The following MACROD2 variants were observed in gnomAD, a reference collection of about 807,000 sequenced individuals.
MACROD2 encodes the protein mono-ADP ribosylhydrolase 2.
Under a neutral mutation model 70.4 loss-of-function variants are expected in MACROD2, and 36 were observed. The ratio of observed to expected loss-of-function variants is 0.51; its 90% confidence interval spans 0.39 to 0.68. The LOEUF (loss-of-function observed/expected upper bound fraction) is 0.68. Among genes scored for constraint, MACROD2 ranks in the 30% least tolerant of loss-of-function variants. MACROD2 has a pLI of 0.00. For synonymous variants in MACROD2, 172 were observed against 178.8 expected, an observed-to-expected ratio of 0.96 and a Z score of 0.30; for missense variants, 496 against 538.4, an observed-to-expected ratio of 0.92 and a Z score of 0.78.
intron 5 of MACROD2, among the ~76,000 whole-genome samples, chr20:14,802,339 A>G (rs1001796931): frequency 6.6e-6 from 1 of 152,078 alleles, no homozygotes; most frequent in Non-Finnish European, 1.5e-5. Context: ...ACATTAATTG[A>G]GTTTTTCTTT....
At chr20:15,125,567 T>G (rs1355916588) in intron 5 of MACROD2, among the ~76,000 whole-genome samples, 2 of 152,104 alleles carry the variant, frequency 1.3e-5, no homozygotes, top group Non-Finnish European at 2.9e-5. Flanking sequence ...AGGGGTTATA[T>G]TAGCAATGTT....
At chr20:14,144,891 G>A (rs542625429) in intron 3 of MACROD2, among the ~76,000 whole-genome samples, 7 of 152,280 alleles carry the variant, frequency 4.6e-5, no homozygotes, top group East Asian at 1.9e-4. Context: ...CCTTGCTTCT[G>A]TAGATTTCTC....
chr20:14,471,839 C>T (rs1402721609), intron 3 of MACROD2, among the ~76,000 whole-genome samples: 3 of 152,030 alleles, frequency 2.0e-5, no homozygotes, highest in African/African-American at 7.2e-5. Flanking sequence ...ACTTATTAAT[C>T]TTGAAAATGT....
chr20:14,108,234 T>C (rs1458584868), intron 3 of MACROD2, among the ~76,000 whole-genome samples: 3 of 151,570 alleles, frequency 2.0e-5, no homozygotes, highest in Admixed American at 2.0e-4. Context: ...TCACGGTAAC[T>C]TCAAATTGAA....
At chr20:15,865,546 G>GT (rs2064480584) in intron 9 of MACROD2, among the ~76,000 whole-genome samples, 2 of 152,100 alleles carry the variant, frequency 1.3e-5, no homozygotes, top group Admixed American at 6.6e-5. Flanking sequence ...CATTGTTAGG[G>GT]TTTTTTCTAA....
At chr20:15,460,318 C>G (rs2046790315) in intron 7 of MACROD2, among the ~76,000 whole-genome samples, 1 of 152,162 alleles carries the variant, frequency 6.6e-6, no homozygotes, top group South Asian at 2.1e-4. Context: ...CATCCTTCAC[C>G]CTGGCAGTGG....
chr20:14,306,854 G>T (rs891687719), intron 3 of MACROD2, among the ~76,000 whole-genome samples: 8 of 152,112 alleles, frequency 5.3e-5, no homozygotes, highest in African/African-American at 1.7e-4. Flanking sequence ...GTGCCAGTTA[G>T]CCATGACCCA....
chr20:15,581,355 T>C (rs966815226), intron 8 of MACROD2, among the ~76,000 whole-genome samples: 6 of 152,236 alleles, frequency 3.9e-5, no homozygotes, highest in Admixed American at 6.5e-5. Context: ...CTGAATCTAA[T>C]GACTGTCAAT....
intron 6 of MACROD2, among the ~76,000 whole-genome samples, chr20:15,367,505 T>A (rs1339041475): frequency 6.6e-6 from 1 of 152,198 alleles, no homozygotes; most frequent in Non-Finnish European, 1.5e-5. Context: ...GACATAAGTA[T>A]CTTTAAATGA....
At chr20:15,192,075 T>G (rs901813275) in intron 5 of MACROD2, among the ~76,000 whole-genome samples, 1 of 151,404 alleles carries the variant, frequency 6.6e-6, no homozygotes, top group Non-Finnish European at 1.5e-5. Flanking sequence ...AAACTCTCTC[T>G]CTCTCCATAT....
intron 5 of MACROD2, among the ~76,000 whole-genome samples, chr20:14,694,942 A>T (rs6042859): frequency 0.016 from 2,509 of 152,276 alleles, 76 homozygotes; most frequent in African/African-American, 0.056. Context: ...CCCTCTACTT[A>T]AACATGGCCT....
At chr20:14,418,131 TTG>T (rs1167690361) in intron 3 of MACROD2, among the ~76,000 whole-genome samples, 2 of 152,194 alleles carry the variant, frequency 1.3e-5, no homozygotes, top group Admixed American at 1.3e-4. Context: ...CTCTGAATTT[TTG>T]TGTCTTTTGG....
intron 5 of MACROD2, among the ~76,000 whole-genome samples, chr20:14,823,959 G>A (rs1255061734): frequency 6.6e-6 from 1 of 152,046 alleles, no homozygotes; most frequent in Non-Finnish European, 1.5e-5. Flanking sequence ...AATTATATAA[G>A]TAAAGCTAGT....
Position 15,321,228 on chromosome 20 carries a change from G to T in MACROD2, c.540+91167G>T, listed in dbSNP as rs948788734. Among the ~76,000 whole-genome samples the T allele has an allele frequency of 2.0e-4, 29 of 143,852 alleles. 3 individuals are homozygous for T. The highest frequency in any genetic ancestry group is 7.2e-4 in the African/African-American group (29 of 40,266). The allele number at this position is 143,852 out of a possible 152,430, so 94.4% of individuals were successfully genotyped here. On this transcript the variant is annotated intron_variant, in intron 6 of 17. Transcript: ENST00000684519. ...TGTTCTTTTTTTCTTTTGTGTTTTG[G>T]AACTTCCCTTGACTTTGGTCCCATT... is the stretch of plus-strand genomic sequence containing the variant.
chr20:15,554,379 A>G (rs2048138173), intron 8 of MACROD2, among the ~76,000 whole-genome samples: 2 of 152,206 alleles, frequency 1.3e-5, no homozygotes, highest in South Asian at 4.1e-4. Flanking sequence ...TTATTTATCA[A>G]AAAGATAAAT....
At chr20:14,204,772 A>G (rs1465766901) in intron 3 of MACROD2, among the ~76,000 whole-genome samples, 2 of 152,222 alleles carry the variant, frequency 1.3e-5, no homozygotes, top group African/African-American at 2.4e-5. Context: ...AGCTTTATTC[A>G]AAATGGGGTT....
At chr20:14,618,433 T>C (rs923974154) in intron 4 of MACROD2, among the ~76,000 whole-genome samples, 1 of 152,170 alleles carries the variant, frequency 6.6e-6, no homozygotes, top group African/African-American at 2.4e-5. Context: ...GAGATAATTA[T>C]AGAACAATGT....
intron 7 of MACROD2, among the ~76,000 whole-genome samples, chr20:15,488,728 C>T (rs945981724): frequency 6.6e-6 from 1 of 152,152 alleles, no homozygotes; most frequent in African/African-American, 2.4e-5. Flanking sequence ...CAATATACGC[C>T]TTTTCTATTC....
chr20:15,717,157 T>C (rs2050718914), intron 8 of MACROD2, among the ~76,000 whole-genome samples: 1 of 152,238 alleles, frequency 6.6e-6, no homozygotes, highest in Non-Finnish European at 1.5e-5. Context: ...TCTCATTTCT[T>C]CCTTAAGGAG....
Sources: gnomAD v4.1 joint callset for allele counts (sites outside exome capture counted in the v4.1 genomes callset) on GRCh38, gnomAD v4.1.1 for gene constraint, MANE v1.5 for transcripts, NCBI Gene and HGNC (gene_info 2026-07-23, HGNC 2026-07-21) for gene names.